The following CD80 variants were observed in gnomAD, a reference collection of about 807,000 sequenced individuals.
CD80 encodes CD80 molecule.
A neutral mutation model predicts 27.1 loss-of-function variants in CD80; 13 were observed. The ratio of observed to expected loss-of-function variants is 0.48; its 90% confidence interval spans 0.31 to 0.76. The LOEUF (loss-of-function observed/expected upper bound fraction) is 0.76, where lower values mean the gene tolerates loss of function less well. Ranked by LOEUF, CD80 falls within the 30% of genes least tolerant of loss-of-function variation. The probability of loss-of-function intolerance (pLI) is 0.04; values close to 1 mark genes in which losing one functional copy is unlikely to be tolerated. For missense variants in CD80, 277 were observed against 347.9 expected (o/e 0.80, Z 1.62); for synonymous variants, 125 against 125.5 (o/e 1.00, Z 0.03).
At chr3:119,529,168 T>G (rs1168143324) in intron 5 of CD80, among the ~76,000 whole-genome samples, 1 of 152,112 alleles carries the variant, frequency 6.6e-6, no homozygotes, top group East Asian at 1.9e-4. Flanking sequence ...CAGGCCGGTC[T>G]CGAACTCCTG....
chr3:119,544,289 G>C, intron 3 of CD80: 2 of 475,438 alleles, frequency 4.2e-6, no homozygotes, highest in Non-Finnish European at 7.6e-6. Context: ...GTGATTGAGA[G>C]GCTCTTTAGG....
chr3:119,547,884 T>C (rs2082209962), intron 2 of CD80, among the ~76,000 whole-genome samples: 1 of 152,184 alleles, frequency 6.6e-6, no homozygotes. Context: ...CCCCACCAAA[T>C]GGGTAAAGCT....
At chr3:119,544,501 G>A (rs1422663790) in intron 3 of CD80, 49 bp downstream of exon 3, 1 of 1,520,090 alleles carries the variant, frequency 6.6e-7, no homozygotes. Context: ...TGTCTTTAAG[G>A]GCATTAAGAA....
At chr3:119,541,733 T>C (rs954846246) in intron 3 of CD80, among the ~76,000 whole-genome samples, 25 of 152,204 alleles carry the variant, frequency 1.6e-4, no homozygotes, top group Admixed American at 7.2e-4. Flanking sequence ...TTTGACTCAA[T>C]TGGAAAATTC....
intron 2 of CD80, among the ~76,000 whole-genome samples, chr3:119,555,843 T>C (rs1302245415): frequency 6.6e-6 from 1 of 152,218 alleles, no homozygotes; most frequent in African/African-American, 2.4e-5. Flanking sequence ...TAATAAATGA[T>C]TAAACAAAAG....
chr3:119,557,952 C>T (rs1308571132), intron 1 of CD80, 24 bp from the exon 2 acceptor site: 7 of 360,866 alleles, frequency 1.9e-5, no homozygotes, highest in Admixed American at 4.6e-5. Context: ...AAATAAAAGT[C>T]ATTCAGGAAG....
intron 5 of CD80, 114 bp downstream of exon 5, chr3:119,529,728 C>T: frequency 1.4e-6 from 1 of 697,486 alleles, no homozygotes; most frequent in Non-Finnish European, 2.5e-6. Flanking sequence ...TTTCCATAGG[C>T]TTGCTGTAAA....
chr3:119,533,602 T>C (rs2082121129), intron 4 of CD80, among the ~76,000 whole-genome samples: 1 of 152,162 alleles, frequency 6.6e-6, no homozygotes, highest in Non-Finnish European at 1.5e-5. Context: ...CGAGATCTGA[T>C]AGTTTAAAAA....
rs11369803 is a variant in CD80 at position 119,552,513 on chromosome 3, C to CAAA, written c.100+5113_100+5115dup. ...TGGGCGACAGAGCAAGACTCTGTCTCAAAAAAAAAAAAAAAAAAAAAAAAA... is the reference window on the plus strand; with the variant it reads ...TGGGCGACAGAGCAAGACTCTGTCTCAAAAAAAAAAAAAAAAAAAAAAAAAAAA... On this transcript the variant is annotated intron_variant, in intron 2 of 6. Coordinates refer to ENST00000264246, the MANE Select transcript of CD80 (RefSeq NM_005191.4). Among the ~76,000 whole-genome samples, 59 of 31,284 alleles carry CAAA rather than the reference C, an allele frequency of 1.9e-3. 1 individual carries two copies. Among genetic ancestry groups the CAAA allele is most frequent in the African/African-American group, 4.2e-3 (41 of 9,752 alleles). The allele number at this position is 31,284 out of a possible 152,430, so 20.5% of individuals were successfully genotyped here. A position where few individuals can be genotyped will look rare whatever the true frequency, so the allele number is the denominator to read the frequency against.
chr3:119,528,496 C>CT (rs1323896225), intron 5 of CD80, among the ~76,000 whole-genome samples: 2 of 152,184 alleles, frequency 1.3e-5, no homozygotes, highest in Non-Finnish European at 2.9e-5. Flanking sequence ...CAGCATATGT[C>CT]TAACACCCAA....
At chr3:119,547,146 G>C (rs1458570803) in intron 2 of CD80, among the ~76,000 whole-genome samples, 1 of 152,156 alleles carries the variant, frequency 6.6e-6, no homozygotes, top group Non-Finnish European at 1.5e-5. Flanking sequence ...CTGGTTGTTG[G>C]TATAGAAAGA....
intron 1 of CD80, among the ~76,000 whole-genome samples, chr3:119,558,388 G>A (rs922635929): frequency 3.3e-5 from 5 of 152,076 alleles, no homozygotes; most frequent in African/African-American, 1.2e-4. Context: ...TCATAAAGGG[G>A]TATGAGATCT....
At chr3:119,559,218 T>A (rs908860830) in intron 1 of CD80, among the ~76,000 whole-genome samples, 3 of 152,156 alleles carry the variant, frequency 2.0e-5, no homozygotes. Context: ...TGCTAGGATC[T>A]AGGATATTTT....
chr3:119,535,461 T>C (rs1305869881), intron 4 of CD80, among the ~76,000 whole-genome samples: 1 of 152,180 alleles, frequency 6.6e-6, no homozygotes, highest in South Asian at 2.1e-4. Flanking sequence ...TGTGGTCCTC[T>C]GTATGATCAG....
chr3:119,549,296 T>TGTC (rs1469563006), intron 2 of CD80, among the ~76,000 whole-genome samples: 5 of 152,214 alleles, frequency 3.3e-5, no homozygotes, highest in African/African-American at 1.2e-4. Flanking sequence ...TCCATCCACA[T>TGTC]AGCCAAGAAA....
Position 119,545,002 on chromosome 3 carries a change from T to G in CD80, c.101-135A>C, listed in dbSNP as rs895572367. The G allele has an allele frequency of 8.6e-6, 6 of 694,170 alleles. No individual in the cohort carries two copies. The Admixed American group carries it at 8.9e-5, about 10-fold the overall frequency. The allele number at this position is 694,170 out of a possible 1,614,324, so 43.0% of individuals were successfully genotyped here. A position where few individuals can be genotyped will look rare whatever the true frequency, so the allele number is the denominator to read the frequency against. On this transcript the variant is annotated intron_variant, in intron 2 of 6. Transcript: ENST00000264246. ...CTAAGTATCAATCCAGTTTGATTTTTGGGGTCCCCAATGCTTTTTTTCTCT... is the reference window on the plus strand; with the variant it reads ...CTAAGTATCAATCCAGTTTGATTTTGGGGGTCCCCAATGCTTTTTTTCTCT...
In CD80 at chr3:119,557,787, G is replaced by T; in HGVS notation, c.-59C>A. 7.9e-7 allele frequency: 1 copy of T among 1,270,418 alleles called. No homozygotes were observed. The highest frequency in any genetic ancestry group is 1.1e-6 in the Non-Finnish European group (1 of 896,720). The allele number at this position is 1,270,418 out of a possible 1,614,324, so 78.7% of individuals were successfully genotyped here. A position where few individuals can be genotyped will look rare whatever the true frequency, so the allele number is the denominator to read the frequency against. Reference sequence around the variant, plus strand: ...AACAATTTGGACCCAAGTAAGACCAGGGCACTTCCCAGGTGCAAAACAGGC... The same window carrying T: ...AACAATTTGGACCCAAGTAAGACCATGGCACTTCCCAGGTGCAAAACAGGC... On this transcript the variant is annotated 5_prime_UTR_variant, in exon 2 of 7. In the 5' UTR this introduces an upstream ATG that the reference lacks. Transcript: ENST00000264246.
chr3:119,557,550 G>T, intron 2 of CD80, 79 bp downstream of exon 2: 1 of 880,514 alleles, frequency 1.1e-6, no homozygotes, highest in East Asian at 2.7e-5. Context: ...ATAATAGAAG[G>T]GAGCAGCTCA....
chr3:119,558,812 G>A (rs1180241121), intron 1 of CD80, among the ~76,000 whole-genome samples: 1 of 151,814 alleles, frequency 6.6e-6, no homozygotes, highest in Non-Finnish European at 1.5e-5. Context: ...GAGGTGGCTA[G>A]GGATTAATTT....
Sources: allele counts gnomAD v4.1 joint callset (sites outside exome capture counted in the v4.1 genomes callset), GRCh38; gene constraint gnomAD v4.1.1; transcripts MANE v1.5; gene names NCBI Gene and HGNC (gene_info 2026-07-23, HGNC 2026-07-21).